ITGB5: variants seen among roughly 807,000 people sequenced by gnomAD.
The protein encoded by ITGB5 is integrin subunit beta 5.
In ITGB5, 38 loss-of-function variants were observed where a neutral mutation model predicts 84.8. The observed-to-expected ratio is 0.45, with a 90% CI of 0.35 to 0.59. The LOEUF (loss-of-function observed/expected upper bound fraction) is 0.59, where lower values mean the gene tolerates loss of function less well. ITGB5 is among the 20% of genes least tolerant of loss of function. The pLI, the probability that ITGB5 is intolerant of heterozygous loss-of-function variation, is 0.01. For missense variants in ITGB5, 905 were observed against 1,034.5 expected (o/e 0.87, Z 1.72); for synonymous variants, 393 against 414.4 (o/e 0.95, Z 0.63).
chr3:124,840,581 C>T (rs1226147205), intron 5 of ITGB5, among the ~76,000 whole-genome samples: 1 of 152,102 alleles, frequency 6.6e-6, no homozygotes, highest in Non-Finnish European at 1.5e-5. Flanking sequence ...TAGGCCCTCC[C>T]TCTGGATTCA....
intron 5 of ITGB5, among the ~76,000 whole-genome samples, chr3:124,835,941 G>A (rs1054828931): frequency 2.0e-5 from 3 of 152,144 alleles, no homozygotes; most frequent in Non-Finnish European, 4.4e-5. Flanking sequence ...TGAGCCAGAA[G>A]AGACAAAAAA....
chr3:124,806,584 C>T (rs140888087), intron 9 of ITGB5, among the ~76,000 whole-genome samples: 234 of 151,964 alleles, frequency 1.5e-3, no homozygotes, highest in African/African-American at 5.4e-3. Flanking sequence ...CAGGTACCCG[C>T]CATCACTCCC....
chr3:124,808,956 T>A, intron 9 of ITGB5, 66 bp downstream of exon 9: 5 of 1,541,018 alleles, frequency 3.2e-6, no homozygotes, highest in Non-Finnish European at 3.5e-6. Context: ...TCACAAAAGT[T>A]ATTAGAACCC....
At chr3:124,872,242 C>T (rs1004644215) in intron 2 of ITGB5, among the ~76,000 whole-genome samples, 19 of 152,254 alleles carry the variant, frequency 1.2e-4, no homozygotes, top group African/African-American at 4.6e-4. Context: ...AAGCAAGAGG[C>T]CATATAGTCT....
At chr3:124,802,863 C>A (rs1015943553) in intron 9 of ITGB5, among the ~76,000 whole-genome samples, 1 of 152,178 alleles carries the variant, frequency 6.6e-6, no homozygotes, top group Non-Finnish European at 1.5e-5. Flanking sequence ...AACCCCACAG[C>A]CCTCGCAGTG....
At chr3:124,896,610 A>G (rs1308966572) in intron 1 of ITGB5, among the ~76,000 whole-genome samples, 1 of 151,916 alleles carries the variant, frequency 6.6e-6, no homozygotes, top group Non-Finnish European at 1.5e-5. Context: ...CAGGCACAGT[A>G]ATGACATGCA....
chr3:124,875,073 A>C (rs1478707320), intron 1 of ITGB5, among the ~76,000 whole-genome samples: 2 of 152,226 alleles, frequency 1.3e-5, no homozygotes, highest in Non-Finnish European at 2.9e-5. Context: ...GAAACAACCT[A>C]CTATATGCGA....
intron 10 of ITGB5, among the ~76,000 whole-genome samples, chr3:124,784,303 T>C (rs1384894804): frequency 6.6e-6 from 1 of 151,932 alleles, no homozygotes; most frequent in Non-Finnish European, 1.5e-5. Flanking sequence ...CCTTGAGTTG[T>C]AGACCAGCCT....
intron 7 of ITGB5, 42 bp downstream of exon 7, chr3:124,819,697 C>T: frequency 1.4e-6 from 2 of 1,434,282 alleles, no homozygotes; most frequent in Non-Finnish European, 2.0e-6. Context: ...TCACCACCCA[C>T]TTCACCCCAC....
intron 1 of ITGB5, among the ~76,000 whole-genome samples, chr3:124,885,216 G>A (rs866887563): frequency 5.3e-5 from 8 of 152,080 alleles, no homozygotes; most frequent in Admixed American, 1.3e-4. Flanking sequence ...GTTGCAGTGA[G>A]CCGAGATGGC....
chr3:124,876,008 A>C (rs773280326), intron 1 of ITGB5, among the ~76,000 whole-genome samples: 1 of 152,176 alleles, frequency 6.6e-6, no homozygotes, highest in Non-Finnish European at 1.5e-5. Flanking sequence ...GGGATGGAGA[A>C]AGGCGAGATG....
intron 1 of ITGB5, among the ~76,000 whole-genome samples, chr3:124,877,909 T>C (rs941173494): frequency 6.6e-6 from 1 of 152,156 alleles, no homozygotes; most frequent in African/African-American, 2.4e-5. Context: ...AGGGGCATGA[T>C]CTTGGCTCAC....
chr3:124,891,659 A>G (rs1935004837), upstream of ITGB5, among the ~76,000 whole-genome samples: 1 of 151,652 alleles, frequency 6.6e-6, no homozygotes, highest in Non-Finnish European at 1.5e-5. Context: ...GAAGTGGCTC[A>G]TGCCTGTAAT....
chr3:124,861,130 T>C (rs1464611773), intron 2 of ITGB5, among the ~76,000 whole-genome samples: 2 of 151,926 alleles, frequency 1.3e-5, no homozygotes, highest in African/African-American at 4.8e-5. Context: ...TGTTTTTAAA[T>C]AAGTAAAGCC....
chr3:124,857,846 C>T (rs1465515316), intron 3 of ITGB5, among the ~76,000 whole-genome samples: 2 of 152,038 alleles, frequency 1.3e-5, no homozygotes, highest in African/African-American at 2.4e-5. Flanking sequence ...AAAATGAGAG[C>T]TACCTGGCCA....
chr3:124,899,853 CAAA>C (rs60859904), intron 1 of ITGB5, among the ~76,000 whole-genome samples: 10 of 35,008 alleles, frequency 2.9e-4, no homozygotes, highest in African/African-American at 6.2e-4. Flanking sequence ...GACCCTGTCT[CAAA>C]AAAAAAAAAA....
rs1247125323 is a variant in ITGB5, at chr3:124,885,050, C to T, written c.70+1881G>A. ...CTTTGGGAGGCCAAGGCAGTTAGAT[C>T]ACCTTAAGTGAGGAGTTCAAGACCA... On this transcript the variant is annotated intron_variant, in intron 1 of 14. Coordinates refer to ENST00000296181, the MANE Select transcript of ITGB5 (RefSeq NM_002213.5). 2.0e-5 allele frequency among the ~76,000 whole-genome samples: 3 copies of T among 152,328 alleles called. No homozygotes were observed. The East Asian group carries it at 5.8e-4, about 29-fold the overall frequency.
At chr3:124,773,522 CCA>C (rs1436529567) in intron 11 of ITGB5, among the ~76,000 whole-genome samples, 166 bp downstream of exon 11, 4 of 152,214 alleles carry the variant, frequency 2.6e-5, no homozygotes, top group Admixed American at 6.5e-5. Flanking sequence ...CATTTGAAAG[CCA>C]CAGTTTCAGT....
intron 5 of ITGB5, among the ~76,000 whole-genome samples, chr3:124,830,494 C>G (rs1465690245): frequency 6.6e-6 from 1 of 152,214 alleles, no homozygotes; most frequent in Non-Finnish European, 1.5e-5. Flanking sequence ...GGGGCTACAA[C>G]AGGACAAAAG....
Sources: gnomAD v4.1 joint callset for allele counts (sites outside exome capture counted in the v4.1 genomes callset) on GRCh38, gnomAD v4.1.1 for gene constraint, MANE v1.5 for transcripts, NCBI Gene and HGNC (gene_info 2026-07-23, HGNC 2026-07-21) for gene names.